B4GALNT3: variants seen among roughly 807,000 people sequenced by gnomAD.
B4GALNT3 encodes beta-1,4-N-acetylgalactosaminyltransferase 3.
Under a neutral mutation model 120.2 loss-of-function variants are expected in B4GALNT3, and 86 were observed. The ratio of observed to expected loss-of-function variants is 0.72; its 90% CI spans 0.60 to 0.86. The LOEUF is 0.86. B4GALNT3 is among the 40% of genes least tolerant of loss of function. The pLI, the probability that B4GALNT3 is intolerant of heterozygous loss-of-function variation, is 0.00. For synonymous variants in B4GALNT3, 518 were observed against 510.4 expected (o/e 1.01, Z -0.20); for missense variants, 1,167 against 1,298.9 (o/e 0.90, Z 1.56).
In B4GALNT3 at chr12:553,604, T is replaced by A; in HGVS notation, c.1681T>A (p.Trp561Arg). 6.2e-7 allele frequency: 1 copy of A among 1,613,978 alleles called. No homozygotes were observed. The highest frequency in any genetic ancestry group is 8.5e-7 in the Non-Finnish European group (1 of 1,179,896). Reference protein sequence around the residue: ...PAGDSPRKTQWLNQVESYIAE... With the variant: ...PAGDSPRKTQRLNQVESYIAE... ...TGGTGACAGCCCCAGGAAGACTCAG[T>A]GGCTGAACCAGGTGGAGTCGTACAT... is the stretch of plus-strand genomic sequence containing the variant. The change falls in exon 14 of 20, where the codon TGG becomes AGG. Residue 561 changes from tryptophan to arginine, a missense_variant. Coordinates refer to ENST00000266383, the MANE Select transcript of B4GALNT3 (RefSeq NM_173593.4).
Position 548,908 on chromosome 12 carries a change from C to T in B4GALNT3, c.853+611C>T. On this transcript the variant is annotated intron_variant, in intron 9 of 19. Transcript: ENST00000266383. This position sits in a 1 kb window ranked among gnomAD's most constrained non-coding sequence, Gnocchi z 4.9. The stretch of plus-strand genomic sequence containing the variant: ...ACAGAGCAAGACGCTGCCTCAAAAG[C>T]AAAACAAAACAACACAAAAAAACCC... 1.0e-5 allele frequency among the ~76,000 whole-genome samples: 1 copy of T among 96,328 alleles called. No individual in the cohort carries two copies. Among genetic ancestry groups the T allele is most frequent in the South Asian group, 3.3e-4 (1 of 3,052 alleles). 63.2% of individuals were successfully genotyped at this position (96,328 alleles called of 152,430 possible).
chr12:487,779 C>T (rs1020186078), intron 1 of B4GALNT3, among the ~76,000 whole-genome samples: 1 of 150,048 alleles, frequency 6.7e-6, no homozygotes, highest in African/African-American at 2.5e-5. Context: ...CATAGTAAAA[C>T]CTTGTCTCTA....
intron 1 of B4GALNT3, among the ~76,000 whole-genome samples, chr12:504,119 A>T (rs1946470978): frequency 1.0e-4 from 3 of 29,978 alleles, no homozygotes; most frequent in Admixed American, 5.4e-4. Context: ...TGTCTCAATT[A>T]AAAAAAAAAA....
chr12:485,782 G>A (rs2120488244), intron 1 of B4GALNT3, among the ~76,000 whole-genome samples: 1 of 152,252 alleles, frequency 6.6e-6, no homozygotes, highest in South Asian at 2.1e-4. Context: ...ACCATGTAAG[G>A]AGCTCAGAAT....
In B4GALNT3 at chr12:559,986, A is replaced by G. The variant is rs564472949; in HGVS notation, c.2888+565A>G. The stretch of plus-strand genomic sequence containing the variant: ...GGGTCAATGAGATGAAAAGCCTCAG[A>G]GAAGAACACAGTACAAGCTGCTGCC... On this transcript the variant is annotated intron_variant, in intron 19 of 19. Transcript: ENST00000266383. 7.9e-5 allele frequency among the ~76,000 whole-genome samples: 12 copies of G among 152,312 alleles called. No homozygotes were observed. In the South Asian group the frequency reaches 2.5e-3, roughly 32 times the overall value.
intron 1 of B4GALNT3, among the ~76,000 whole-genome samples, chr12:499,631 C>T (rs1186192961): frequency 7.1e-6 from 1 of 140,406 alleles, no homozygotes; most frequent in Non-Finnish European, 1.5e-5. Flanking sequence ...CTATCTAGAA[C>T]ACTCCTAGCC....
chr12:461,942 G>A (rs186995421), intron 1 of B4GALNT3, among the ~76,000 whole-genome samples: 4 of 152,246 alleles, frequency 2.6e-5, no homozygotes, highest in African/African-American at 9.6e-5. Context: ...GTGTCTTTCA[G>A]TCTGGATACG....
At chr12:485,071 A>C (rs215230) in intron 1 of B4GALNT3, among the ~76,000 whole-genome samples, 141,883 of 152,176 alleles carry the variant, frequency 0.93, 66,668 homozygotes, top group Non-Finnish European at 1. Context: ...ACCCAGAAGC[A>C]CCCTCATGAG....
chr12:491,276 A>T (rs1214621065), intron 1 of B4GALNT3, among the ~76,000 whole-genome samples: 1 of 152,172 alleles, frequency 6.6e-6, no homozygotes, highest in African/African-American at 2.4e-5. Flanking sequence ...ACATGATCAT[A>T]TCAATAGATA....
intron 1 of B4GALNT3, among the ~76,000 whole-genome samples, chr12:509,718 G>A (rs768102918): frequency 6.6e-6 from 1 of 152,130 alleles, no homozygotes. Flanking sequence ...GGATGCCTCC[G>A]AGGTGGTGTT....
chr12:494,556 A>G (rs1946371464), intron 1 of B4GALNT3, among the ~76,000 whole-genome samples: 1 of 152,136 alleles, frequency 6.6e-6, no homozygotes, highest in Non-Finnish European at 1.5e-5. Context: ...GGGTGGGACC[A>G]TAGCTTAAGG....
At chr12:523,198 C>A (rs183908513) in intron 1 of B4GALNT3, among the ~76,000 whole-genome samples, 2 of 152,212 alleles carry the variant, frequency 1.3e-5, no homozygotes, top group East Asian at 3.9e-4. Flanking sequence ...TTCACTCAGT[C>A]CCTAGCCCAG....
Position 553,329 on chromosome 12 carries a change from A to G in B4GALNT3, c.1406A>G (p.Asp469Gly). ...PASTLEQDATDYRLRSLRKLL... is the reference protein window; with the variant it reads ...PASTLEQDATGYRLRSLRKLL... ...TCCACCCTGGAGCAAGATGCCACTG[A>G]CTACCGCCTCCGAAGCCTGCGGAAA... Residue 469 changes from aspartate to glycine, a missense_variant, in exon 14 of 20, where the codon GAC becomes GGC. Physicochemically the swap from Asp to Gly is moderately conservative, Grantham distance 94. Coordinates refer to ENST00000266383, the MANE Select transcript of B4GALNT3 (RefSeq NM_173593.4). The G allele has an allele frequency of 1.9e-6, 3 of 1,613,696 alleles. No homozygotes were observed. The highest frequency in any genetic ancestry group is 2.5e-6 in the Non-Finnish European group (3 of 1,180,040).
chr12:469,845 T>G (rs1049153680), intron 1 of B4GALNT3, among the ~76,000 whole-genome samples: 1 of 152,056 alleles, frequency 6.6e-6, no homozygotes, highest in Non-Finnish European at 1.5e-5. Context: ...AGAGATGGGG[T>G]CTCACTATGT....
At chr12:498,986 G>T (rs995017603) in intron 1 of B4GALNT3, among the ~76,000 whole-genome samples, 7 of 152,198 alleles carry the variant, frequency 4.6e-5, no homozygotes, top group African/African-American at 1.7e-4. Flanking sequence ...CAAGTTGGTG[G>T]ATCTGGGGAC....
In B4GALNT3 at chr12:506,736, A is replaced by C. The variant is rs183130463; in HGVS notation, c.170-28430A>C. ...ACTGCAAGCTCCGCCTCCCGGGTTCACGCCATTCTCCTGCCTCAGCCTCCC... is the reference window on the plus strand; with the variant it reads ...ACTGCAAGCTCCGCCTCCCGGGTTCCCGCCATTCTCCTGCCTCAGCCTCCC... On this transcript the variant is annotated intron_variant, in intron 1 of 19. Transcript: ENST00000266383. 3.8e-3 allele frequency among the ~76,000 whole-genome samples: 581 copies of C among 152,246 alleles called. 13 individuals are homozygous for C. In the East Asian group the frequency reaches 0.059, roughly 16 times the overall value.
chr12:527,482 G>A lies in B4GALNT3; in HGVS notation c.170-7684G>A, dbSNP rs977098011. Among the ~76,000 whole-genome samples, 5 of 152,256 alleles carry A rather than the reference G, an allele frequency of 3.3e-5. No individual in the cohort carries two copies. In the East Asian group the frequency reaches 9.6e-4, roughly 29 times the overall value. On this transcript the variant is annotated intron_variant, in intron 1 of 19. Coordinates refer to ENST00000266383, the MANE Select transcript of B4GALNT3 (RefSeq NM_173593.4). ...TAGCTTGGCAGGAAGCTGGGGGAAA[G>A]GACAGCTGGTTGTTCTTCAGGTGCC...
intron 1 of B4GALNT3, among the ~76,000 whole-genome samples, chr12:507,751 C>T (rs930131619): frequency 6.6e-6 from 1 of 152,210 alleles, no homozygotes; most frequent in Non-Finnish European, 1.5e-5. Flanking sequence ...CTGTAGGGCC[C>T]GTGACTGTGG....
chr12:506,739 C>T (rs1025232116), intron 1 of B4GALNT3, among the ~76,000 whole-genome samples: 1 of 152,168 alleles, frequency 6.6e-6, no homozygotes, highest in East Asian at 1.9e-4. Context: ...CGGGTTCACG[C>T]CATTCTCCTG....
Sources: allele counts gnomAD v4.1 joint callset (sites outside exome capture counted in the v4.1 genomes callset), GRCh38; gene constraint gnomAD v4.1.1; non-coding constraint Gnocchi (gnomAD v3.1); transcripts MANE v1.5; gene names NCBI Gene and HGNC (gene_info 2026-07-23, HGNC 2026-07-21).